The following GNB5 variants were observed in gnomAD, a reference collection of about 807,000 sequenced individuals.
The protein encoded by GNB5 is guanine nucleotide-binding protein subunit beta-5.
Under a neutral mutation model 55.3 loss-of-function variants are expected in GNB5, and 37 were observed. The observed-to-expected ratio is 0.67, with a 90% CI of 0.51 to 0.88. The LOEUF (loss-of-function observed/expected upper bound fraction) is 0.88, where lower values mean the gene tolerates loss of function less well. Among genes scored for constraint, GNB5 ranks in the 40% least tolerant of loss-of-function variants. The probability of loss-of-function intolerance (pLI) is 0.00; values close to 1 mark genes in which losing one functional copy is unlikely to be tolerated. For missense variants in GNB5, 476 were observed against 515.3 expected, an observed-to-expected ratio of 0.92 and a Z score of 0.74; for synonymous variants, 219 against 198.5, an observed-to-expected ratio of 1.10 and a Z score of -0.87.
Position 52,160,264 on chromosome 15 carries a change from A to G in GNB5, c.239-6188T>C, listed in dbSNP as rs1252634314. Among the ~76,000 whole-genome samples the G allele has an allele frequency of 3.3e-5, 5 of 152,154 alleles. No individual in the cohort carries two copies. In the East Asian group the frequency reaches 9.6e-4, roughly 29 times the overall value. On this transcript the variant is annotated intron_variant, in intron 3 of 12. Coordinates refer to ENST00000261837, the MANE Select transcript of GNB5 (RefSeq NM_016194.4). ...CGCCTGGCCAGGAAATTAGCTTCTT[A>G]ATGTCTACTTTAGTCGCTGTTTTTT...
At position 52,122,880 on chromosome 15, in the gene GNB5, ATG is replaced by A. The variant is rs1261568940; in HGVS notation, c.1177-114_1177-113del. The A allele has an allele frequency of 2.3e-5, 18 of 783,744 alleles. No individual in the cohort carries two copies. The African/African-American group carries it at 3.3e-4, about 14-fold the overall frequency. 48.5% of individuals were successfully genotyped at this position (783,744 alleles called of 1,614,324 possible). On this transcript the variant is annotated intron_variant, in intron 12 of 12. Coordinates refer to ENST00000261837, the MANE Select transcript of GNB5 (RefSeq NM_016194.4). Reference sequence around the variant, plus strand: ...CACACACATGCATGGGCATACATATATGTGTGTGTACACACACACACACACAA... The same window carrying A: ...CACACACATGCATGGGCATACATATATGTGTGTACACACACACACACACAA...
Position 52,126,046 on chromosome 15 carries a change from T to G in GNB5, c.913-2A>C, listed in dbSNP as rs762663288. 6.8e-7 allele frequency: 1 copy of G among 1,468,908 alleles called. No individual in the cohort carries two copies. The highest frequency in any genetic ancestry group is 9.5e-7 in the Non-Finnish European group (1 of 1,053,142). The allele number at this position is 1,468,908 out of a possible 1,614,324, so 91.0% of individuals were successfully genotyped here. The stretch of plus-strand genomic sequence containing the variant: ...TGCCCGCAGGTCATAGAGGCGACAC[T>G]GGGGAGCAAATAAATAAAGAAGCAC... On this transcript the variant is annotated splice_acceptor_variant, in intron 10 of 12. Transcript: ENST00000261837. LOFTEE classifies it high-confidence loss of function.
chr15:52,151,246 C>T (rs2034088704), intron 4 of GNB5, among the ~76,000 whole-genome samples: 1 of 152,150 alleles, frequency 6.6e-6, no homozygotes, highest in South Asian at 2.1e-4. Flanking sequence ...ACACCTGGAG[C>T]CCCTGATGGC....
chr15:52,181,650 G>A lies in GNB5; in HGVS notation c.127-1771C>T, dbSNP rs147473771. Among the ~76,000 whole-genome samples, 430 of 152,168 alleles carry A rather than the reference G, an allele frequency of 2.8e-3. 4 individuals carry two copies. Among genetic ancestry groups the A allele is most frequent in the Admixed American group, 0.016 (252 of 15,282 alleles). ...AAAAACAAAAACAAAACAAAAAAAG[G>A]TAAGATAGTGTGGGTGAAGACTTTA... On this transcript the variant is annotated intron_variant, in intron 2 of 12. Transcript: ENST00000261837.
chr15:52,135,523 C>G (rs2033679954), intron 8 of GNB5, 90 bp downstream of exon 8: 1 of 1,160,038 alleles, frequency 8.6e-7, no homozygotes. Flanking sequence ...AGGGAAGTGC[C>G]TAGGCTAATC....
intron 3 of GNB5, among the ~76,000 whole-genome samples, chr15:52,159,054 C>A (rs1357572243): frequency 6.6e-6 from 1 of 152,158 alleles, no homozygotes; most frequent in East Asian, 1.9e-4. Flanking sequence ...GGTGGGTACG[C>A]TAAGCTGAGG....
chr15:52,129,234 G>T (rs902737967), intron 9 of GNB5, among the ~76,000 whole-genome samples: 1 of 152,140 alleles, frequency 6.6e-6, no homozygotes, highest in African/African-American at 2.4e-5. Context: ...GGGATTACAG[G>T]CGTGAGTCAC....
At chr15:52,188,991 G>GAT (rs2034882552) in intron 1 of GNB5, among the ~76,000 whole-genome samples, 1 of 152,200 alleles carries the variant, frequency 6.6e-6, no homozygotes, top group African/African-American at 2.4e-5. Context: ...AACACTTATA[G>GAT]ATCAACCTTG....
In GNB5 at chr15:52,179,994, T is replaced by A. The variant is rs894952949; in HGVS notation, c.127-115A>T. On this transcript the variant is annotated intron_variant, in intron 2 of 12. Coordinates refer to ENST00000261837, the MANE Select transcript of GNB5 (RefSeq NM_016194.4). ...CGAGCACCGCCCCGCGGCCCCGCCC[T>A]CCGCGATGACGCCAGCAGCTGCGGG... The A allele has an allele frequency of 7.2e-4, 917 of 1,272,420 alleles. 1 individual carries two copies. The highest frequency in any genetic ancestry group is 8.3e-4 in the Non-Finnish European group (840 of 1,006,736). The allele number at this position is 1,272,420 out of a possible 1,614,324, so 78.8% of individuals were successfully genotyped here.
chr15:52,125,957 A>T lies in GNB5; in HGVS notation c.1000T>A (p.Ser334Thr), dbSNP rs753027720. The change falls in exon 11 of 13, where the codon TCC becomes ACC. Residue 334 changes from serine (S) to threonine (T), a missense_variant. Physicochemically the swap from Ser to Thr is moderately conservative, Grantham distance 58. Coordinates refer to ENST00000261837, the MANE Select transcript of GNB5 (RefSeq NM_016194.4). ...IIFGASSVDF[S>T]LSGRLLFAGY... is the part of the protein sequence containing the mutation. Reference sequence around the variant, plus strand: ...TGAAATAAAATCTTACCACTGAGGGAGAAGTCCACGCTGGATGCTCCAAAT... The same window carrying T: ...TGAAATAAAATCTTACCACTGAGGGTGAAGTCCACGCTGGATGCTCCAAAT... 5.6e-6 allele frequency: 8 copies of T among 1,433,904 alleles called. No individual in the cohort carries two copies. The South Asian group carries it at 9.5e-5, about 17-fold the overall frequency. 88.8% of individuals were successfully genotyped at this position (1,433,904 alleles called of 1,614,324 possible). A position where few individuals can be genotyped will look rare whatever the true frequency, so the allele number is the denominator to read the frequency against.
At chr15:52,145,457 T>C (rs1011719823) in intron 6 of GNB5, among the ~76,000 whole-genome samples, 6 of 150,356 alleles carry the variant, frequency 4.0e-5, no homozygotes, top group African/African-American at 1.5e-4. Flanking sequence ...CTGGCCAACA[T>C]GGTAAAACCC....
intron 3 of GNB5, among the ~76,000 whole-genome samples, chr15:52,168,002 C>A (rs1478472535): frequency 6.6e-6 from 1 of 152,162 alleles, no homozygotes; most frequent in Non-Finnish European, 1.5e-5. Flanking sequence ...AGGAACATAT[C>A]TCAAAATAGT....
intron 7 of GNB5, among the ~76,000 whole-genome samples, chr15:52,136,155 CACACACACACACACACA>C (rs1192280722): frequency 0.011 from 1,527 of 138,192 alleles, 17 homozygotes; most frequent in Middle Eastern, 0.026. Context: ...CACACACACA[CACACACACACACACACA>C]CCCTACCTGC....
At chr15:52,132,307 A>C (rs1414440426) in intron 9 of GNB5, among the ~76,000 whole-genome samples, 3 of 152,184 alleles carry the variant, frequency 2.0e-5, no homozygotes, top group African/African-American at 4.8e-5. Context: ...GTAGGTAGAT[A>C]AAATCTCAGA....
intron 10 of GNB5, 112 bp from the exon 11 acceptor site, chr15:52,126,156 A>C (rs2033422885): frequency 1.6e-6 from 1 of 616,222 alleles, no homozygotes; most frequent in Non-Finnish European, 2.9e-6. Context: ...AAGATGAAGG[A>C]AAAACTTCTT....
At chr15:52,169,507 C>T (rs1445151894) in intron 3 of GNB5, among the ~76,000 whole-genome samples, 1 of 129,944 alleles carries the variant, frequency 7.7e-6, no homozygotes, top group Non-Finnish European at 1.5e-5. Flanking sequence ...CATTGCACTC[C>T]AGCCTGGGTG....
At position 52,142,305 on chromosome 15, in the gene GNB5, T is replaced by C. The variant is rs115255539; in HGVS notation, c.495-1033A>G. ...AAAATATCATTTTCTCCAACCACCT[T>C]TCATACAAAGGCTTTACATGATTAT... On this transcript the variant is annotated intron_variant, in intron 6 of 12. Transcript: ENST00000261837. 1.3e-3 allele frequency among the ~76,000 whole-genome samples: 193 copies of C among 152,342 alleles called. 1 individual carries two copies. Among genetic ancestry groups the C allele is most frequent in the African/African-American group, 4.2e-3 (173 of 41,590 alleles).
At chr15:52,153,020 C>T (rs2034132861) in intron 4 of GNB5, among the ~76,000 whole-genome samples, 1 of 152,248 alleles carries the variant, frequency 6.6e-6, no homozygotes, top group African/African-American at 2.4e-5. Context: ...GGGAGCCAGA[C>T]TCCAAGTGAG....
rs546508500 is a variant in GNB5, at chr15:52,164,903, A to G, written c.239-10827T>C. Among the ~76,000 whole-genome samples the G allele has an allele frequency of 2.0e-5, 3 of 152,318 alleles. No individual in the cohort carries two copies. The East Asian group carries it at 5.8e-4, about 29-fold the overall frequency. ...AGTAGGCTTCAGAAGGTGGGTAATA[A>G]TGAACTTCACTGAGCTAAAGGAGCA... On this transcript the variant is annotated intron_variant, in intron 3 of 12. Coordinates refer to ENST00000261837, the MANE Select transcript of GNB5 (RefSeq NM_016194.4).
Sources: allele counts gnomAD v4.1 joint callset (sites outside exome capture counted in the v4.1 genomes callset), GRCh38; gene constraint gnomAD v4.1.1; transcripts MANE v1.5; gene names NCBI Gene and HGNC (gene_info 2026-07-23, HGNC 2026-07-21).